Variants in NLGN1 observed in about 807,000 individuals in gnomAD.
NLGN1 encodes neuroligin-1.
NLGN1 carries 12 observed loss-of-function variants against 65.5 expected under a neutral mutation model. The observed-to-expected ratio is 0.18, with a 90% confidence interval of 0.12 to 0.30. The LOEUF is 0.30. Among genes scored for constraint, NLGN1 ranks in the 10% least tolerant of loss-of-function variants. The pLI is 1.00. For synonymous variants in NLGN1, 350 were observed against 359.5 expected (o/e 0.97, Z 0.30); for missense variants, 750 against 1,007.1 (o/e 0.74, Z 3.46).
intron 4 of NLGN1, among the ~76,000 whole-genome samples, chr3:174,164,161 C>T (rs772534890): frequency 2.6e-5 from 4 of 151,774 alleles, no homozygotes; most frequent in East Asian, 1.9e-4. Context: ...GTCTTATTGT[C>T]GTTTTGATTT....
chr3:173,881,997 A>G (rs1733432892), intron 4 of NLGN1, among the ~76,000 whole-genome samples: 1 of 152,162 alleles, frequency 6.6e-6, no homozygotes, highest in Non-Finnish European at 1.5e-5. Flanking sequence ...TTGAAAGCAA[A>G]AATTACTCCT....
At chr3:173,453,804 G>T (rs1187194808) in intron 2 of NLGN1, among the ~76,000 whole-genome samples, 1 of 152,104 alleles carries the variant, frequency 6.6e-6, no homozygotes, top group East Asian at 1.9e-4. Flanking sequence ...CATCCATGAG[G>T]GTTAGAATTG....
intron 2 of NLGN1, among the ~76,000 whole-genome samples, chr3:173,551,708 C>G (rs1406057641): frequency 2.0e-5 from 3 of 152,162 alleles, no homozygotes; most frequent in African/African-American, 7.2e-5. Flanking sequence ...GCATTGTGAT[C>G]TTGGTACCGA....
At chr3:173,741,050 G>A (rs1299051145) in intron 3 of NLGN1, among the ~76,000 whole-genome samples, 1 of 152,112 alleles carries the variant, frequency 6.6e-6, no homozygotes, top group Non-Finnish European at 1.5e-5. Flanking sequence ...TATACAATTA[G>A]TTATCAGAAT....
At chr3:173,726,764 A>C (rs1771855604) in intron 3 of NLGN1, among the ~76,000 whole-genome samples, 1 of 152,064 alleles carries the variant, frequency 6.6e-6, no homozygotes, top group African/African-American at 2.4e-5. Flanking sequence ...TTTTTAAAAC[A>C]GACAACAAGT....
intron 4 of NLGN1, among the ~76,000 whole-genome samples, chr3:173,813,975 C>A (rs751279681): frequency 1.3e-4 from 20 of 152,154 alleles, no homozygotes; most frequent in Non-Finnish European, 2.9e-4. Flanking sequence ...TTTATAGTAA[C>A]CTTCTGTAAA....
At chr3:173,427,479 G>A (rs1388599512) in intron 1 of NLGN1, among the ~76,000 whole-genome samples, 1 of 151,494 alleles carries the variant, frequency 6.6e-6, no homozygotes, top group African/African-American at 2.4e-5. Flanking sequence ...TACTACTTTT[G>A]CTATACTGCA....
At chr3:173,689,625 G>C (rs1175417013) in intron 3 of NLGN1, among the ~76,000 whole-genome samples, 1 of 152,142 alleles carries the variant, frequency 6.6e-6, no homozygotes, top group Non-Finnish European at 1.5e-5. Context: ...TAATGGCCTG[G>C]TTTGCAAGGC....
chr3:174,273,890 T>C (rs1418280289), intron 4 of NLGN1, among the ~76,000 whole-genome samples: 1 of 150,312 alleles, frequency 6.7e-6, no homozygotes, highest in Non-Finnish European at 1.5e-5. Context: ...GAATTTCTTA[T>C]CCATATATTC....
intron 4 of NLGN1, among the ~76,000 whole-genome samples, chr3:173,873,687 T>C (rs563531670): frequency 1.5e-4 from 23 of 152,328 alleles, no homozygotes; most frequent in African/African-American, 5.5e-4. Context: ...GGCCTGATCA[T>C]CTGTAAAAGC....
intron 3 of NLGN1, among the ~76,000 whole-genome samples, chr3:173,704,239 C>T (rs1767696952): frequency 6.6e-6 from 1 of 152,064 alleles, no homozygotes; most frequent in African/African-American, 2.4e-5. Context: ...TGACACTGTC[C>T]CCAAAATAAT....
chr3:173,745,168 C>G (rs1429884199), intron 3 of NLGN1, among the ~76,000 whole-genome samples: 2 of 152,014 alleles, frequency 1.3e-5, no homozygotes. Flanking sequence ...GATGTCAGCT[C>G]TTGCCATATT....
chr3:173,688,510 T>A (rs1764999979), intron 3 of NLGN1, among the ~76,000 whole-genome samples: 2 of 152,152 alleles, frequency 1.3e-5, no homozygotes, highest in Admixed American at 1.3e-4. Context: ...TTCTTTTTAA[T>A]CATAGCAATA....
intron 2 of NLGN1, among the ~76,000 whole-genome samples, chr3:173,466,211 A>C (rs1724323283): frequency 6.6e-6 from 1 of 152,168 alleles, no homozygotes; most frequent in Admixed American, 6.6e-5. Context: ...GTCAACAATC[A>C]AAACCAAGAT....
intron 4 of NLGN1, among the ~76,000 whole-genome samples, chr3:174,096,002 A>AAAATAAATAAAT (rs111524218): frequency 2.0e-5 from 3 of 151,014 alleles, no homozygotes; most frequent in African/African-American, 7.3e-5. Flanking sequence ...TCCATCTAAA[A>AAAATAAATAAAT]AAATAAATAA....
intron 2 of NLGN1, among the ~76,000 whole-genome samples, chr3:173,493,628 G>A (rs1386208426): frequency 6.6e-6 from 1 of 151,768 alleles, no homozygotes; most frequent in Non-Finnish European, 1.5e-5. Flanking sequence ...CATGGAAATA[G>A]TACTGTCATA....
At chr3:173,543,255 C>T (rs184958667) in intron 2 of NLGN1, among the ~76,000 whole-genome samples, 1 of 152,222 alleles carries the variant, frequency 6.6e-6, no homozygotes, top group Admixed American at 6.5e-5. Context: ...TTCTGATTTT[C>T]TACTTTTGTC....
At chr3:173,404,295 C>G (rs1331759554) in intron 1 of NLGN1, among the ~76,000 whole-genome samples, 10 of 152,098 alleles carry the variant, frequency 6.6e-5, no homozygotes, top group African/African-American at 2.4e-4. Flanking sequence ...CTCTCTGTTT[C>G]AAAGCAACTT....
At chr3:173,705,565 ATGT>A (rs1384379690) in intron 3 of NLGN1, among the ~76,000 whole-genome samples, 1 of 152,196 alleles carries the variant, frequency 6.6e-6, no homozygotes, top group Non-Finnish European at 1.5e-5. Context: ...GCTAATTAAA[ATGT>A]TGTTGAAAGA....
Sources: gnomAD v4.1 joint callset for allele counts (sites outside exome capture counted in the v4.1 genomes callset) on GRCh38, gnomAD v4.1.1 for gene constraint, MANE v1.5 for transcripts, NCBI Gene and HGNC (gene_info 2026-07-23, HGNC 2026-07-21) for gene names.